The following ARHGAP6 variants were observed in gnomAD, a reference collection of about 807,000 sequenced individuals.
The protein encoded by ARHGAP6 is Rho GTPase activating protein 6.
A neutral mutation model predicts 55.7 loss-of-function variants in ARHGAP6; 16 were observed. The observed-to-expected ratio is 0.29, with a 90% CI of 0.19 to 0.44. ARHGAP6 has a LOEUF of 0.44. Ranked by LOEUF, ARHGAP6 falls within the 20% of genes least tolerant of loss-of-function variation. The probability of loss-of-function intolerance (pLI) is 1.00; values close to 1 mark genes in which losing one functional copy is unlikely to be tolerated. For missense variants in ARHGAP6, 698 were observed against 808.9 expected (o/e 0.86, Z 1.66); for synonymous variants, 382 against 360.9 (o/e 1.06, Z -0.66).
In ARHGAP6 at chrX:11,425,261, T is replaced by C. The variant is rs774656401; in HGVS notation, c.589-170554A>G. Among the ~76,000 whole-genome samples the C allele has an allele frequency of 7.2e-5, 8 of 111,611 alleles. No homozygotes were observed. The South Asian group carries it at 3.0e-3, about 42-fold the overall frequency. ...AAAAAAACCCAAGATCACAGGAAAA[T>C]GCACAGTGGGACAAAACCCTGTTGA... On this transcript the variant is annotated intron_variant, in intron 1 of 12. Transcript: ENST00000337414.
chrX:11,212,553 C>T (rs1033224969), intron 2 of ARHGAP6, among the ~76,000 whole-genome samples: 2 of 112,433 alleles, frequency 1.8e-5, no homozygotes, highest in African/African-American at 3.2e-5. Flanking sequence ...GTGTTTCACA[C>T]ATCACTAGAG....
At chrX:11,527,912 A>T (rs1377645948) in intron 1 of ARHGAP6, among the ~76,000 whole-genome samples, 1 of 112,595 alleles carries the variant, frequency 8.9e-6, no homozygotes, top group Non-Finnish European at 1.9e-5. Context: ...TATAAATACC[A>T]CATGGAATAT....
intron 1 of ARHGAP6, among the ~76,000 whole-genome samples, chrX:11,588,822 A>G (rs2147126866): frequency 9.0e-6 from 1 of 111,601 alleles, no homozygotes; most frequent in East Asian, 2.8e-4. Context: ...TGAGATGATG[A>G]AAATATTCTA....
intron 1 of ARHGAP6, among the ~76,000 whole-genome samples, chrX:11,310,557 G>A (rs770402150): frequency 8.9e-6 from 1 of 111,811 alleles, no homozygotes; most frequent in South Asian, 3.8e-4. Flanking sequence ...GAACCCTGGG[G>A]ACATTATACT....
chrX:11,637,720 T>A (rs1243361845), intron 1 of ARHGAP6, among the ~76,000 whole-genome samples: 1 of 110,518 alleles, frequency 9.0e-6, no homozygotes, highest in Non-Finnish European at 1.9e-5. Context: ...TTTTCAGTAA[T>A]TGATTTTATC....
intron 1 of ARHGAP6, among the ~76,000 whole-genome samples, chrX:11,504,763 C>T (rs998927323): frequency 3.6e-5 from 4 of 111,813 alleles, no homozygotes; most frequent in Non-Finnish European, 7.5e-5. Flanking sequence ...ATGGTGGTTT[C>T]ATGCCTTTCC....
intron 1 of ARHGAP6, among the ~76,000 whole-genome samples, chrX:11,542,033 A>G (rs1338303836): frequency 9.4e-6 from 1 of 106,001 alleles, no homozygotes; most frequent in Non-Finnish European, 1.9e-5. Context: ...TAGACTGTGC[A>G]TTTGGTTTTC....
At chrX:11,229,905 T>C (rs2047102976) in intron 2 of ARHGAP6, among the ~76,000 whole-genome samples, 1 of 112,362 alleles carries the variant, frequency 8.9e-6, no homozygotes, top group Admixed American at 9.4e-5. Context: ...CAGTCACTTA[T>C]ACAGGAATAA....
intron 1 of ARHGAP6, among the ~76,000 whole-genome samples, chrX:11,255,933 C>G (rs2047488574): frequency 8.9e-6 from 1 of 112,241 alleles, no homozygotes; most frequent in African/African-American, 3.2e-5. Context: ...TCTTGTGAAT[C>G]TCATGTATCA....
Position 11,523,029 on chromosome X carries a change from C to A in ARHGAP6, c.588+141212G>T, listed in dbSNP as rs375315090. ...AATCCAGCAGCACATCAAGAAGCTT[C>A]TCCACCATGATCAAGTGGGCTTCAT... is the stretch of plus-strand genomic sequence containing the variant. On this transcript the variant is annotated intron_variant, in intron 1 of 12. Transcript: ENST00000337414. Among the ~76,000 whole-genome samples, 9 of 111,605 alleles carry A rather than the reference C, an allele frequency of 8.1e-5. No individual in the cohort carries two copies. The South Asian group carries it at 2.6e-3, about 33-fold the overall frequency.
At chrX:11,321,483 T>C (rs2048431860) in intron 1 of ARHGAP6, among the ~76,000 whole-genome samples, 1 of 112,053 alleles carries the variant, frequency 8.9e-6, no homozygotes, top group African/African-American at 3.2e-5. Context: ...AAGTAACTTC[T>C]CAATAAAATG....
In ARHGAP6 at chrX:11,147,147, G is replaced by A. The variant is rs1313165609; in HGVS notation, c.1908-2899C>T. Among the ~76,000 whole-genome samples, 11 of 111,343 alleles carry A rather than the reference G, an allele frequency of 9.9e-5. 1 individual carries two copies. Among genetic ancestry groups the A allele is most frequent in the South Asian group, 7.4e-4 (2 of 2,700 alleles). ...ATATACATACATACCCAACACACAC[G>A]CACATACATATACATATTCAGACAT... On this transcript the variant is annotated intron_variant, in intron 10 of 12. Transcript: ENST00000337414.
intron 1 of ARHGAP6, among the ~76,000 whole-genome samples, chrX:11,487,561 T>C (rs2050523578): frequency 8.9e-6 from 1 of 112,464 alleles, no homozygotes; most frequent in South Asian, 3.7e-4. Flanking sequence ...TTTAAGTATG[T>C]CCATGCAATA....
At chrX:11,475,974 G>A (rs976993618) in intron 1 of ARHGAP6, among the ~76,000 whole-genome samples, 2 of 111,282 alleles carry the variant, frequency 1.8e-5, no homozygotes, top group East Asian at 2.8e-4. Context: ...ATGAAAAGGT[G>A]CTCAGCAAGG....
At chrX:11,437,565 G>A (rs1175510174) in intron 1 of ARHGAP6, among the ~76,000 whole-genome samples, 2 of 112,200 alleles carry the variant, frequency 1.8e-5, no homozygotes, top group African/African-American at 3.2e-5. Flanking sequence ...GGTAGGGAAG[G>A]GAATAAAGCC....
chrX:11,227,844 G>A (rs1436585685), intron 2 of ARHGAP6, among the ~76,000 whole-genome samples: 2 of 104,843 alleles, frequency 1.9e-5, no homozygotes, highest in East Asian at 2.9e-4. Context: ...CAACTAAGTC[G>A]ACATCAGTCT....
At chrX:11,285,164 G>GTT (rs112532582) in intron 1 of ARHGAP6, among the ~76,000 whole-genome samples, 24,190 of 87,620 alleles carry the variant, frequency 0.28, 2,888 homozygotes, top group Middle Eastern at 0.45. Context: ...CACACAGATT[G>GTT]TTTTTTTTTT....
chrX:11,194,118 T>C lies in ARHGAP6; in HGVS notation c.820+2807A>G, dbSNP rs2238896. 4.4e-5 allele frequency among the ~76,000 whole-genome samples: 5 copies of C among 112,723 alleles called. No individual in the cohort carries two copies. In the East Asian group the frequency reaches 1.4e-3, roughly 31 times the overall value. On this transcript the variant is annotated intron_variant, in intron 3 of 12. Transcript: ENST00000337414. ...ATACATATGGAAAATTGCTCTAATC[T>C]GGAGACATAAAAGTGCTCTACTGCA...
chrX:11,252,415 CTT>C (rs1375691023), intron 2 of ARHGAP6, among the ~76,000 whole-genome samples: 1 of 112,507 alleles, frequency 8.9e-6, no homozygotes, highest in East Asian at 2.8e-4. Context: ...ACATGGGCCA[CTT>C]TGTGAGTTAT....
Sources: gnomAD v4.1 joint callset for allele counts (sites outside exome capture counted in the v4.1 genomes callset) on GRCh38, gnomAD v4.1.1 for gene constraint, MANE v1.5 for transcripts, NCBI Gene and HGNC (gene_info 2026-07-23, HGNC 2026-07-21) for gene names.